Variants in MAP2 observed in about 807,000 individuals in gnomAD.
MAP2 encodes the protein microtubule associated protein 2.
Under a neutral mutation model 137.6 loss-of-function variants are expected in MAP2, and 14 were observed. The observed-to-expected ratio is 0.10, with a 90% CI of 0.07 to 0.16. The LOEUF (loss-of-function observed/expected upper bound fraction) is 0.16, where lower values mean the gene tolerates loss of function less well. MAP2 is among the 10% of genes least tolerant of loss of function. The pLI is 1.00. For synonymous variants in MAP2, 786 were observed against 782.3 expected, an observed-to-expected ratio of 1.00 and a Z score of -0.08; for missense variants, 2,088 against 2,191.5, an observed-to-expected ratio of 0.95 and a Z score of 0.94.
chr2:209,594,193 A>G (rs1397044701), intron 3 of MAP2, among the ~76,000 whole-genome samples: 4 of 150,184 alleles, frequency 2.7e-5, no homozygotes, highest in Non-Finnish European at 4.4e-5. Flanking sequence ...ACAGCTGGCA[A>G]GCTGGCAATG....
At chr2:209,588,634 A>G (rs1245506947) in intron 3 of MAP2, among the ~76,000 whole-genome samples, 1 of 152,174 alleles carries the variant, frequency 6.6e-6, no homozygotes, top group African/African-American at 2.4e-5. Flanking sequence ...CTTGCTTTTT[A>G]TATGATTTTC....
At chr2:209,582,927 G>T (rs1437478797) in intron 3 of MAP2, among the ~76,000 whole-genome samples, 1 of 152,024 alleles carries the variant, frequency 6.6e-6, no homozygotes, top group Non-Finnish European at 1.5e-5. Context: ...ACAGATAAAT[G>T]AATTGAGACT....
intron 1 of MAP2, among the ~76,000 whole-genome samples, chr2:209,463,210 A>G (rs910767666): frequency 3.3e-5 from 5 of 152,216 alleles, no homozygotes; most frequent in Admixed American, 2.0e-4. Flanking sequence ...TCATTCTACA[A>G]TTATAAGCTG....
chr2:209,474,302 A>T (rs1436107338), intron 1 of MAP2, among the ~76,000 whole-genome samples: 1 of 152,142 alleles, frequency 6.6e-6, no homozygotes, highest in African/African-American at 2.4e-5. Context: ...AAAGACAATG[A>T]CTTTACTGCA....
chr2:209,434,829 CTCTCTATA>C lies in MAP2; in HGVS notation c.-222+10555_-222+10562del, dbSNP rs1453265256. On this transcript the variant is annotated intron_variant, in intron 1 of 15. Transcript: ENST00000682079. ...AGAGCCAGATCCTCTCTCTCTCTCT[CTCTCTATA>C]TATATATATATGTTATATATATATG... is the stretch of plus-strand genomic sequence containing the variant. 1.2e-3 allele frequency among the ~76,000 whole-genome samples: 128 copies of C among 107,498 alleles called. 2 individuals are homozygous for C. The Middle Eastern group carries it at 0.013, about 11-fold the overall frequency. 70.5% of individuals were successfully genotyped at this position (107,498 alleles called of 152,430 possible).
In MAP2 at chr2:209,696,933, T is replaced by C. The variant is rs764780951; in HGVS notation, c.4404T>C (p.Ala1468=). ...TATTCATAGCAGTTTATAAGAAGGC[T>C]GAACTTGCTAAAAAAACAGAAGTTC... The part of the protein sequence containing the change: ...VRRKKAVYKK[A]ELAKKTEVQA... The change falls in exon 10 of 16, where the codon GCT becomes GCC. Residue 1468 remains alanine, a synonymous_variant. Coordinates refer to ENST00000682079, the MANE Select transcript of MAP2 (RefSeq NM_001375505.1). 5 of 1,604,758 alleles carry C rather than the reference T, an allele frequency of 3.1e-6. No homozygotes were observed. Among genetic ancestry groups the C allele is most frequent in the South Asian group, 1.1e-5 (1 of 88,518 alleles).
chr2:209,440,276 TTTAACAAAAC>T (rs1697429282), intron 1 of MAP2, among the ~76,000 whole-genome samples: 1 of 151,510 alleles, frequency 6.6e-6, no homozygotes, highest in Admixed American at 6.6e-5. Flanking sequence ...TCCCAAAAGG[TTTAACAAAAC>T]TTATTTCATC....
chr2:209,442,317 G>C (rs1261101227), intron 1 of MAP2, among the ~76,000 whole-genome samples: 1 of 151,432 alleles, frequency 6.6e-6, no homozygotes, highest in Non-Finnish European at 1.5e-5. Context: ...AGTTGAGGGA[G>C]CAAAAGAACT....
chr2:209,672,762 C>A (rs951144471), intron 5 of MAP2, among the ~76,000 whole-genome samples: 2 of 151,820 alleles, frequency 1.3e-5, no homozygotes, highest in Non-Finnish European at 2.9e-5. Flanking sequence ...AATGAAAGTG[C>A]CTACTGTAAC....
At chr2:209,569,879 A>C (rs1179526369) in intron 2 of MAP2, among the ~76,000 whole-genome samples, 1 of 151,856 alleles carries the variant, frequency 6.6e-6, no homozygotes, top group Non-Finnish European at 1.5e-5. Context: ...AGTTAATTTC[A>C]ACAAGATGTT....
At chr2:209,634,144 C>T (rs1369374088) in intron 4 of MAP2, among the ~76,000 whole-genome samples, 1 of 152,142 alleles carries the variant, frequency 6.6e-6, no homozygotes, top group Non-Finnish European at 1.5e-5. Context: ...TCTCACTTCT[C>T]CCACTCCACC....
chr2:209,672,269 A>T (rs970932932), intron 5 of MAP2, among the ~76,000 whole-genome samples: 15 of 151,842 alleles, frequency 9.9e-5, no homozygotes, highest in Non-Finnish European at 1.9e-4. Context: ...GGGTCCCAGC[A>T]GTGACCCAAC....
intron 13 of MAP2, among the ~76,000 whole-genome samples, chr2:209,716,992 G>A (rs1207088273): frequency 2.3e-5 from 3 of 131,736 alleles, no homozygotes; most frequent in South Asian, 2.1e-4. Context: ...TAGAAGAAAG[G>A]TGTCATAAGG....
chr2:209,562,830 C>T (rs935344104), intron 2 of MAP2, among the ~76,000 whole-genome samples: 2 of 152,158 alleles, frequency 1.3e-5, no homozygotes, highest in African/African-American at 2.4e-5. Flanking sequence ...TTTCTTGACT[C>T]CTCAACTAGC....
At chr2:209,568,747 G>T (rs994797958) in intron 2 of MAP2, among the ~76,000 whole-genome samples, 1 of 151,870 alleles carries the variant, frequency 6.6e-6, no homozygotes, top group Non-Finnish European at 1.5e-5. Flanking sequence ...CACTTGTGGA[G>T]AATTTGATTA....
chr2:209,454,629 A>G (rs908158758), intron 1 of MAP2, among the ~76,000 whole-genome samples: 1 of 152,182 alleles, frequency 6.6e-6, no homozygotes, highest in South Asian at 2.1e-4. Context: ...GAGCCACTGC[A>G]CCTGTCCTAA....
chr2:209,583,803 A>G (rs185576470), intron 3 of MAP2, among the ~76,000 whole-genome samples: 6 of 151,282 alleles, frequency 4.0e-5, no homozygotes, highest in Admixed American at 6.6e-5. Context: ...TTAGATTCAG[A>G]GAGTACATGA....
chr2:209,457,015 G>A (rs1168105610), intron 1 of MAP2, among the ~76,000 whole-genome samples: 4 of 152,036 alleles, frequency 2.6e-5, no homozygotes, highest in African/African-American at 9.7e-5. Context: ...AAAGAAATTA[G>A]GTGGATCACT....
chr2:209,603,469 C>T (rs1214545095), intron 3 of MAP2, among the ~76,000 whole-genome samples: 2 of 152,034 alleles, frequency 1.3e-5, no homozygotes, highest in Admixed American at 6.6e-5. Context: ...GAACAATCTG[C>T]CCCCAGTGAT....
Sources: allele counts gnomAD v4.1 joint callset (sites outside exome capture counted in the v4.1 genomes callset), GRCh38; gene constraint gnomAD v4.1.1; transcripts MANE v1.5; gene names NCBI Gene and HGNC (gene_info 2026-07-23, HGNC 2026-07-21).